The following ADARB2 variants were observed in gnomAD, a reference collection of about 807,000 sequenced individuals.
ADARB2 encodes adenosine deaminase RNA specific B2 (inactive).
Under a neutral mutation model 62.2 loss-of-function variants are expected in ADARB2, and 25 were observed. The ratio of observed to expected loss-of-function variants is 0.40; its 90% CI spans 0.29 to 0.56. The LOEUF is 0.56. Among genes scored for constraint, ADARB2 ranks in the 20% least tolerant of loss-of-function variants. ADARB2 has a pLI of 0.43. For synonymous variants in ADARB2, 572 were observed against 500.8 expected (o/e 1.14, Z -1.90); for missense variants, 1,071 against 1,077.4 (o/e 0.99, Z 0.08).
chr10:1,556,851 A>G (rs571251526), intron 1 of ADARB2: 2 of 533,058 alleles, frequency 3.8e-6, no homozygotes, highest in East Asian at 1.1e-4. Context: ...TTTCTGCACA[A>G]CCCCTCCTCA....
At chr10:1,680,630 C>T (rs978188957) in intron 1 of ADARB2, among the ~76,000 whole-genome samples, 16 of 152,170 alleles carry the variant, frequency 1.1e-4, no homozygotes, top group Admixed American at 2.6e-4. Flanking sequence ...ACTGAAGGAG[C>T]GAGTGAAGAT....
intron 7 of ADARB2, among the ~76,000 whole-genome samples, chr10:1,205,264 GTTTTAGGGCCACC>G (rs71376893): frequency 0.27 from 40,995 of 151,436 alleles, 6,860 homozygotes; most frequent in South Asian, 0.45. Context: ...GGGCCTTGTT[GTTTTAGGGCCACC>G]TAAAACAACA....
chr10:1,704,927 G>A lies in ADARB2; in HGVS notation c.100+32124C>T, dbSNP rs530355289. ...AGGGTGCAGGGGAGACCATGAGGGC[G>A]TGGGCACCACCCAGCCATGAGTCTC... On this transcript the variant is annotated intron_variant, in intron 1 of 9. Coordinates refer to ENST00000381312, the MANE Select transcript of ADARB2 (RefSeq NM_018702.4). The surrounding 1 kb of genome is among the most constrained non-coding windows in gnomAD (Gnocchi z 5.6). 2.4e-4 allele frequency among the ~76,000 whole-genome samples: 36 copies of A among 152,108 alleles called. No individual in the cohort carries two copies. The highest frequency in any genetic ancestry group is 6.5e-4 in the Admixed American group (10 of 15,284).
At chr10:1,687,743 T>A (rs1834614617) in intron 1 of ADARB2, among the ~76,000 whole-genome samples, 1 of 151,810 alleles carries the variant, frequency 6.6e-6, no homozygotes, top group Admixed American at 6.6e-5. Context: ...CAGCCGTGAA[T>A]TGTGATGAGG....
intron 1 of ADARB2, among the ~76,000 whole-genome samples, chr10:1,698,820 C>T (rs951852801): frequency 2.6e-5 from 4 of 152,220 alleles, no homozygotes; most frequent in African/African-American, 9.6e-5. Flanking sequence ...AATGCAATGG[C>T]ATTATCTTGG....
At chr10:1,232,155 CCACACACATAG>C (rs1457893456) in intron 6 of ADARB2, among the ~76,000 whole-genome samples, 2 of 151,938 alleles carry the variant, frequency 1.3e-5, no homozygotes, top group Non-Finnish European at 2.9e-5. Flanking sequence ...ACCACACACA[CCACACACATAG>C]CACACACACC....
At chr10:1,279,685 C>T (rs1367591161) in intron 3 of ADARB2, among the ~76,000 whole-genome samples, 10 of 152,200 alleles carry the variant, frequency 6.6e-5, no homozygotes. Context: ...CCTCATTTTG[C>T]CGTAAGTACT....
In ADARB2 at chr10:1,530,338, A is replaced by C. The variant is rs575230395; in HGVS notation, c.101-151178T>G. On this transcript the variant is annotated intron_variant, in intron 1 of 9. Transcript: ENST00000381312. ...TGCCCCAAGGCCTCCCACACCCACAACATTCCCTCCTCCTGAAACACTTGC... is the reference window on the plus strand; with the variant it reads ...TGCCCCAAGGCCTCCCACACCCACACCATTCCCTCCTCCTGAAACACTTGC... 1.2e-4 allele frequency among the ~76,000 whole-genome samples: 19 copies of C among 152,282 alleles called. No individual in the cohort carries two copies. The East Asian group carries it at 3.3e-3, about 26-fold the overall frequency.
intron 6 of ADARB2, among the ~76,000 whole-genome samples, chr10:1,218,047 A>G (rs1160628180): frequency 2.7e-5 from 4 of 150,556 alleles, no homozygotes; most frequent in African/African-American, 9.8e-5. Flanking sequence ...AAAATTTTGT[A>G]TGTTTTTGTT....
At chr10:1,559,523 G>T (rs1301570757) in intron 1 of ADARB2, among the ~76,000 whole-genome samples, 1 of 152,174 alleles carries the variant, frequency 6.6e-6, no homozygotes, top group Non-Finnish European at 1.5e-5. Flanking sequence ...GCCCTCTGGA[G>T]ATGTGGCACT....
At chr10:1,452,208 T>C (rs1470137235) in intron 1 of ADARB2, among the ~76,000 whole-genome samples, 1 of 152,158 alleles carries the variant, frequency 6.6e-6, no homozygotes, top group Non-Finnish European at 1.5e-5. Context: ...TTCAGTGGCA[T>C]GATGACAGCA....
intron 8 of ADARB2, among the ~76,000 whole-genome samples, chr10:1,192,159 G>T (rs930286018): frequency 6.6e-6 from 1 of 152,226 alleles, no homozygotes; most frequent in Non-Finnish European, 1.5e-5. Flanking sequence ...ATATTTACAA[G>T]GTAACTTACT....
chr10:1,657,597 A>G (rs762011488), intron 1 of ADARB2, among the ~76,000 whole-genome samples: 1 of 152,102 alleles, frequency 6.6e-6, no homozygotes, highest in Non-Finnish European at 1.5e-5. Flanking sequence ...GAGGCCTCCA[A>G]CAGAAGGCAG....
chr10:1,420,778 T>C (rs1336807683), intron 1 of ADARB2, among the ~76,000 whole-genome samples: 1 of 152,118 alleles, frequency 6.6e-6, no homozygotes, highest in Non-Finnish European at 1.5e-5. Flanking sequence ...GAGGACCACA[T>C]TGATTAACGC....
intron 7 of ADARB2, among the ~76,000 whole-genome samples, chr10:1,212,789 T>G (rs1564222411): frequency 1.3e-5 from 2 of 151,586 alleles, no homozygotes; most frequent in Non-Finnish European, 2.9e-5. Context: ...CACCCCACCG[T>G]GGCAGGCACC....
intron 4 of ADARB2, among the ~76,000 whole-genome samples, chr10:1,256,843 T>C (rs192731727): frequency 2.6e-5 from 4 of 152,256 alleles, no homozygotes; most frequent in Admixed American, 6.5e-5. Context: ...CTGAGCAAGC[T>C]CTTCACCCCA....
chr10:1,324,858 C>T (rs112408870), intron 3 of ADARB2, among the ~76,000 whole-genome samples: 22 of 152,196 alleles, frequency 1.4e-4, no homozygotes, highest in African/African-American at 4.3e-4. Flanking sequence ...GCTAAACAAA[C>T]GCAAGTACAA....
chr10:1,269,069 A>C (rs1439030125), intron 4 of ADARB2, among the ~76,000 whole-genome samples: 1 of 152,192 alleles, frequency 6.6e-6, no homozygotes, highest in Non-Finnish European at 1.5e-5. Context: ...TGCATTGCAC[A>C]ATAAGGAAGC....
At chr10:1,403,434 T>G (rs959282484) in intron 1 of ADARB2, among the ~76,000 whole-genome samples, 1 of 152,210 alleles carries the variant, frequency 6.6e-6, no homozygotes, top group Non-Finnish European at 1.5e-5. Flanking sequence ...AGGTGTGGAC[T>G]GTGCTCCTTG....
Sources: allele counts gnomAD v4.1 joint callset (sites outside exome capture counted in the v4.1 genomes callset), GRCh38; gene constraint gnomAD v4.1.1; non-coding constraint Gnocchi (gnomAD v3.1); transcripts MANE v1.5; gene names NCBI Gene and HGNC (gene_info 2026-07-23, HGNC 2026-07-21).